TIAM2: variants seen among roughly 807,000 people sequenced by gnomAD.
TIAM2 encodes TIAM Rac1 associated GEF 2.
Under a neutral mutation model 152.9 loss-of-function variants are expected in TIAM2, and 80 were observed. The observed-to-expected ratio is 0.52, with a 90% CI of 0.44 to 0.63. The LOEUF (loss-of-function observed/expected upper bound fraction) is 0.63, where lower values mean the gene tolerates loss of function less well. TIAM2 is among the 30% of genes least tolerant of loss of function. The pLI, the probability that TIAM2 is intolerant of heterozygous loss-of-function variation, is 0.00. For missense variants in TIAM2, 1,965 were observed against 2,120.1 expected (o/e 0.93, Z 1.44); for synonymous variants, 804 against 838.0 (o/e 0.96, Z 0.70).
chr6:155,055,704 G>A (rs6928819), intron 1 of TIAM2, among the ~76,000 whole-genome samples: 56,302 of 152,076 alleles, frequency 0.37, 10,865 homozygotes, highest in East Asian at 0.55. Context: ...GGTCACGTCT[G>A]TAATCCCAGT....
At chr6:155,255,702 TA>T (rs1237134936) in intron 26 of TIAM2, 5 of 152,178 alleles carry the variant, frequency 3.3e-5, no homozygotes, top group African/African-American at 1.2e-4. Context: ...ATATGAGAGA[TA>T]AAGAGCATTT....
intron 1 of TIAM2, among the ~76,000 whole-genome samples, chr6:155,083,365 AAAAGAG>A (rs1466041241): frequency 1.3e-4 from 19 of 150,586 alleles, no homozygotes; most frequent in Non-Finnish European, 2.2e-4. Flanking sequence ...AAAAAAAAAA[AAAAGAG>A]AGAGAGAGAG....
rs776772103 is a variant in TIAM2 at position 155,183,313 on chromosome 6, CCT to C, written c.2878_2879del (p.Leu960ValfsTer3). The C allele has an allele frequency of 6.2e-7, 1 of 1,614,106 alleles. No homozygotes were observed. Among genetic ancestry groups the C allele is most frequent in the South Asian group, 1.1e-5 (1 of 91,090 alleles). Reference protein sequence around the residue: ...SDLDLKQMEALFSEKSVGLTL... With the variant: ...SDLDLKQMEAXFSEKSVGLTL... ...ATCTTGACCTTAAGCAGATGGAGGC[CCT>C]GTTTTCTGAGAAGAGCGTCGGACTC... On this transcript the variant is annotated frameshift_variant, in exon 14 of 27. Transcript: ENST00000682666. LOFTEE classifies it high-confidence loss of function.
At chr6:155,121,373 TG>T (rs1386174731) in intron 2 of TIAM2, among the ~76,000 whole-genome samples, 1 of 152,240 alleles carries the variant, frequency 6.6e-6, no homozygotes, top group Admixed American at 6.5e-5. Flanking sequence ...GTTTCACATA[TG>T]TTTCCACACT....
chr6:155,138,134 C>T (rs1181843133), intron 5 of TIAM2, among the ~76,000 whole-genome samples: 1 of 152,192 alleles, frequency 6.6e-6, no homozygotes, highest in Non-Finnish European at 1.5e-5. Flanking sequence ...AGCCACTGCA[C>T]CCGGCCTATT....
At chr6:155,023,934 A>G (rs1488848803) in intron 1 of TIAM2, among the ~76,000 whole-genome samples, 1 of 152,180 alleles carries the variant, frequency 6.6e-6, no homozygotes, top group Non-Finnish European at 1.5e-5. Context: ...CATCAGCAAC[A>G]TCATCATCTT....
At position 155,216,811 on chromosome 6, in the gene TIAM2, G is replaced by A. The variant is rs898518150; in HGVS notation, c.3168+5504G>A. 10 of 833,980 alleles carry A rather than the reference G, an allele frequency of 1.2e-5. No homozygotes were observed. The African/African-American group carries it at 1.3e-4, about 11-fold the overall frequency. The allele number at this position is 833,980 out of a possible 1,614,324, so 51.7% of individuals were successfully genotyped here. A position where few individuals can be genotyped will look rare whatever the true frequency, so the allele number is the denominator to read the frequency against. The stretch of plus-strand genomic sequence containing the variant: ...ATTGTCTCCACGTCTGTGGTAACCC[G>A]GTGCCTTTCTAGAGCAGGCAGGCTC... On this transcript the variant is annotated intron_variant, in intron 15 of 26. Transcript: ENST00000682666.
At chr6:155,095,868 A>G (rs1038566425) in intron 2 of TIAM2, among the ~76,000 whole-genome samples, 16 of 152,196 alleles carry the variant, frequency 1.1e-4, no homozygotes, top group Non-Finnish European at 1.8e-4. Context: ...ACTTTCTCCA[A>G]TGTTCCAATA....
intron 8 of TIAM2, among the ~76,000 whole-genome samples, chr6:155,164,908 G>A (rs544217202): frequency 3.2e-4 from 49 of 152,308 alleles, no homozygotes; most frequent in African/African-American, 1.1e-3. Context: ...CAACAGTGGT[G>A]TGAAGATTAA....
intron 7 of TIAM2, among the ~76,000 whole-genome samples, chr6:155,162,019 G>A (rs182557485): frequency 2.3e-4 from 35 of 151,854 alleles, no homozygotes; most frequent in African/African-American, 6.3e-4. Flanking sequence ...CTGCAATGGC[G>A]TGATCTCAAT....
intron 14 of TIAM2, among the ~76,000 whole-genome samples, chr6:155,184,198 A>T (rs1244913415): frequency 6.6e-6 from 1 of 152,154 alleles, no homozygotes; most frequent in Non-Finnish European, 1.5e-5. Flanking sequence ...CATGTTGCCC[A>T]GACTGGTCTC....
intron 2 of TIAM2, among the ~76,000 whole-genome samples, chr6:155,113,158 T>A (rs1167374866): frequency 6.6e-6 from 1 of 152,174 alleles, no homozygotes; most frequent in Non-Finnish European, 1.5e-5. Context: ...CTCTGACCTC[T>A]CTTGCCCTTC....
intron 14 of TIAM2, among the ~76,000 whole-genome samples, chr6:155,203,845 T>C (rs923999815): frequency 6.6e-6 from 1 of 152,206 alleles, no homozygotes; most frequent in Non-Finnish European, 1.5e-5. Flanking sequence ...ACTCAGAGGG[T>C]GCAAAATGCT....
chr6:155,077,094 T>C (rs1583179072), intron 1 of TIAM2, among the ~76,000 whole-genome samples: 1 of 152,236 alleles, frequency 6.6e-6, no homozygotes. Context: ...GTAATTCCCA[T>C]AGTTTATTGT....
chr6:155,075,073 G>A (rs1777925764), intron 1 of TIAM2, among the ~76,000 whole-genome samples: 1 of 152,060 alleles, frequency 6.6e-6, no homozygotes, highest in Non-Finnish European at 1.5e-5. Context: ...CAGGGCCAGA[G>A]GGCAGTGGGC....
intron 1 of TIAM2, among the ~76,000 whole-genome samples, chr6:155,062,586 C>T (rs9480037): frequency 0.56 from 82,008 of 145,156 alleles, 23,611 homozygotes; most frequent in African/African-American, 0.66. Context: ...TTTTTCTTTT[C>T]TTTTTTTTTG....
At chr6:155,205,779 C>T (rs546700271) in intron 14 of TIAM2, among the ~76,000 whole-genome samples, 1 of 152,280 alleles carries the variant, frequency 6.6e-6, no homozygotes, top group South Asian at 2.1e-4. Flanking sequence ...CAAGAATTCC[C>T]CCTTGAGCCT....
intron 2 of TIAM2, among the ~76,000 whole-genome samples, chr6:155,106,706 C>T (rs1778698895): frequency 1.3e-5 from 2 of 152,200 alleles, no homozygotes; most frequent in African/African-American, 4.8e-5. Context: ...AGCTGAGGCT[C>T]CCTTCAAGTG....
intron 1 of TIAM2, among the ~76,000 whole-genome samples, chr6:155,039,301 G>A (rs1340709435): frequency 6.6e-6 from 1 of 152,082 alleles, no homozygotes; most frequent in Non-Finnish European, 1.5e-5. Flanking sequence ...TTGGTCCCAT[G>A]AGAAAGTTTT....
Sources: gnomAD v4.1 joint callset for allele counts (sites outside exome capture counted in the v4.1 genomes callset) on GRCh38, gnomAD v4.1.1 for gene constraint, MANE v1.5 for transcripts, NCBI Gene and HGNC (gene_info 2026-07-23, HGNC 2026-07-21) for gene names.